EYS: variants seen among roughly 807,000 people sequenced by gnomAD.
EYS encodes EGF-like photoreceptor maintenance factor, also known as protein eyes shut homolog.
EYS carries 250 observed loss-of-function variants against 282.1 expected under a neutral mutation model. That is an observed-to-expected ratio of 0.89 (90% CI 0.80 to 0.98). EYS has a LOEUF of 0.98. Ranked by LOEUF, EYS falls within the 50% of genes least tolerant of loss-of-function variation. The pLI is 0.00. For synonymous variants in EYS, 1,355 were observed against 1,282.9 expected (o/e 1.06, Z -1.20); for missense variants, 4,016 against 3,709.0 (o/e 1.08, Z -2.15).
chr6:63,890,911 C>G (rs1773391124), intron 35 of EYS, among the ~76,000 whole-genome samples: 1 of 152,124 alleles, frequency 6.6e-6, no homozygotes, highest in African/African-American at 2.4e-5. Flanking sequence ...GGGAAATCAC[C>G]ACTGATCCCA....
At chr6:64,228,574 G>T (rs542746909) in intron 31 of EYS, among the ~76,000 whole-genome samples, 2 of 151,810 alleles carry the variant, frequency 1.3e-5, no homozygotes, top group Admixed American at 1.3e-4. Context: ...ATTACTTAAT[G>T]GTTAGCAAAA....
chr6:64,615,022 G>A (rs562063985), intron 24 of EYS, among the ~76,000 whole-genome samples: 3 of 152,196 alleles, frequency 2.0e-5, no homozygotes, highest in Non-Finnish European at 2.9e-5. Context: ...CCAACAGAAT[G>A]TGATAACTGA....
At chr6:65,591,620 TA>T in intron 2 of EYS, among the ~76,000 whole-genome samples, 1 of 152,146 alleles carries the variant, frequency 6.6e-6, no homozygotes, top group Non-Finnish European at 1.5e-5. Flanking sequence ...CTGAATTTAC[TA>T]ATTTAACCTC....
At chr6:63,911,096 T>C (rs1221369425) in intron 35 of EYS, among the ~76,000 whole-genome samples, 3 of 148,718 alleles carry the variant, frequency 2.0e-5, no homozygotes, top group Non-Finnish European at 4.5e-5. Context: ...CAGAAAATTA[T>C]GAAATCTAGG....
chr6:64,886,743 G>A lies in EYS; in HGVS notation c.2946C>T (p.Val982=), dbSNP rs2150063272. 1 of 1,547,556 alleles carries A rather than the reference G, an allele frequency of 6.5e-7. No individual in the cohort carries two copies. The highest frequency in any genetic ancestry group is 8.7e-7 in the Non-Finnish European group (1 of 1,144,790). Reference sequence around the variant, plus strand: ...GGCAGTTGTATCCATCAGTCCTGTAGACACAATTTTCTTCATCTAGACAAG... The same window carrying A: ...GGCAGTTGTATCCATCAGTCCTGTAAACACAATTTTCTTCATCTAGACAAG... ...ISPCLDEENC[V]YRTDGYNCLC... The change falls in exon 19 of 43, where the codon GTC becomes GTT. Residue 982 remains valine, a synonymous_variant. Transcript: ENST00000503581.
At chr6:64,450,886 A>T (rs1417670128) in intron 26 of EYS, among the ~76,000 whole-genome samples, 3 of 152,184 alleles carry the variant, frequency 2.0e-5, no homozygotes, top group Non-Finnish European at 4.4e-5. Flanking sequence ...ATAGCACTAA[A>T]CGCCCACAAG....
At chr6:64,606,320 T>G (rs1766936006) in intron 24 of EYS, among the ~76,000 whole-genome samples, 3 of 152,038 alleles carry the variant, frequency 2.0e-5, no homozygotes, top group Non-Finnish European at 4.4e-5. Context: ...TCAAGAAGAC[T>G]TGCTACACTT....
intron 35 of EYS, among the ~76,000 whole-genome samples, chr6:63,882,602 A>C (rs1423571977): frequency 2.6e-5 from 4 of 152,198 alleles, no homozygotes; most frequent in Non-Finnish European, 5.9e-5. Flanking sequence ...TGAGTTTGCA[A>C]TCTAGATGGT....
intron 35 of EYS, among the ~76,000 whole-genome samples, chr6:63,978,633 C>T (rs934358526): frequency 5.3e-5 from 8 of 151,826 alleles, no homozygotes; most frequent in African/African-American, 1.9e-4. Flanking sequence ...GCAGGTGATT[C>T]CTAGCGACAT....
At chr6:64,454,523 G>A (rs1446430938) in intron 26 of EYS, among the ~76,000 whole-genome samples, 1 of 151,922 alleles carries the variant, frequency 6.6e-6, no homozygotes, top group African/African-American at 2.4e-5. Context: ...ATCTGTGCAG[G>A]TCCACTTAAA....
chr6:65,261,263 A>G (rs1374798153), intron 12 of EYS, among the ~76,000 whole-genome samples: 1 of 151,888 alleles, frequency 6.6e-6, no homozygotes, highest in Non-Finnish European at 1.5e-5. Flanking sequence ...TAATATGTAT[A>G]TTTATACATA....
rs1248125809 is a variant in EYS at position 64,902,170 on chromosome 6, T to C, written c.2789A>G (p.Asn930Ser). The C allele has an allele frequency of 1.9e-6, 3 of 1,550,814 alleles. No homozygotes were observed. The highest frequency in any genetic ancestry group is 1.4e-5 in the African/African-American group (1 of 73,126). Residue 930 changes from asparagine to serine, a missense_variant, in exon 18 of 43, where the codon AAT (asparagine) becomes AGT (serine). Physicochemically the swap from Asn to Ser is conservative, Grantham distance 46 (BLOSUM62 1). Coordinates refer to ENST00000503581, the MANE Select transcript of EYS (RefSeq NM_001142800.2). Reference sequence around the variant, plus strand: ...TTTGCAAGGTTCAGAGGAACATTCATTAATTTCAATTTCACACAGAGATCC... The same window carrying C: ...TTTGCAAGGTTCAGAGGAACATTCACTAATTTCAATTTCACACAGAGATCC... ...FSGSLCEIEI[N>S]ECSSEPCKNN...
At chr6:65,001,203 A>C (rs9363315) in intron 13 of EYS, among the ~76,000 whole-genome samples, 1 of 124,312 alleles carries the variant, frequency 8.0e-6, no homozygotes, top group Admixed American at 7.8e-5. Context: ...TATGATAGCT[A>C]TCTGTATCCT....
At chr6:63,729,308 GT>G (rs1380480441) in intron 41 of EYS, among the ~76,000 whole-genome samples, 1 of 151,960 alleles carries the variant, frequency 6.6e-6, no homozygotes, top group Non-Finnish European at 1.5e-5. Context: ...TGACAGATTA[GT>G]TTTTTAATTT....
chr6:64,826,259 C>T (rs1311588141), intron 19 of EYS, among the ~76,000 whole-genome samples: 3 of 151,646 alleles, frequency 2.0e-5, no homozygotes, highest in Admixed American at 6.6e-5. Flanking sequence ...CTTCATTTGA[C>T]AAAAGAAGAA....
intron 12 of EYS, among the ~76,000 whole-genome samples, chr6:65,085,139 C>A (rs1354393505): frequency 6.6e-6 from 1 of 152,096 alleles, no homozygotes; most frequent in Non-Finnish European, 1.5e-5. Flanking sequence ...AGCCAGAAGT[C>A]ATGACAAAGG....
intron 41 of EYS, among the ~76,000 whole-genome samples, chr6:63,749,151 T>C (rs1769281090): frequency 1.3e-5 from 2 of 152,232 alleles, no homozygotes; most frequent in Non-Finnish European, 2.9e-5. Context: ...GACACTGTCT[T>C]AGCTGTGTCC....
intron 26 of EYS, among the ~76,000 whole-genome samples, chr6:64,551,119 T>TA (rs1200201555): frequency 6.8e-6 from 1 of 146,290 alleles, no homozygotes; most frequent in Non-Finnish European, 1.5e-5. Flanking sequence ...TACACACGCA[T>TA]ATATACACAC....
chr6:65,353,453 G>T lies in EYS; in HGVS notation c.1459+5C>A, dbSNP rs200387978. 1 of 1,612,326 alleles carries T rather than the reference G, an allele frequency of 6.2e-7. No homozygotes were observed. Among genetic ancestry groups the T allele is most frequent in the East Asian group, 2.2e-5 (1 of 44,634 alleles). On this transcript the variant is annotated splice_donor_5th_base_variant and intron_variant, in intron 9 of 42. Coordinates refer to ENST00000503581, the MANE Select transcript of EYS (RefSeq NM_001142800.2). Reference sequence around the variant, plus strand: ...AGATTGAAAAAAATTACATAAATTTGTTACCTGCAAATCCCAATTGCCACA... The same window carrying T: ...AGATTGAAAAAAATTACATAAATTTTTTACCTGCAAATCCCAATTGCCACA...
Sources: gnomAD v4.1 joint callset for allele counts (sites outside exome capture counted in the v4.1 genomes callset) on GRCh38, gnomAD v4.1.1 for gene constraint, MANE v1.5 for transcripts, NCBI Gene and HGNC (gene_info 2026-07-23, HGNC 2026-07-21) for gene names.